Variants in TAFA2 observed in about 807,000 individuals in gnomAD.
TAFA2 encodes the protein TAFA chemokine like family member 2, also known as chemokine-like protein TAFA-2.
TAFA2 carries 7 observed loss-of-function variants against 18.8 expected under a neutral mutation model. The observed-to-expected ratio is 0.37, with a 90% CI of 0.21 to 0.70. TAFA2 has a LOEUF of 0.70. TAFA2 is among the 30% of genes least tolerant of loss of function. The probability of loss-of-function intolerance (pLI) is 0.53; values close to 1 mark genes in which losing one functional copy is unlikely to be tolerated. For missense variants in TAFA2, 122 were observed against 158.1 expected (o/e 0.77, Z 1.23); for synonymous variants, 60 against 54.2 (o/e 1.11, Z -0.47).
At chr12:61,895,723 C>T (rs1875812817) in intron 1 of TAFA2, among the ~76,000 whole-genome samples, 1 of 152,152 alleles carries the variant, frequency 6.6e-6, no homozygotes, top group Non-Finnish European at 1.5e-5. Flanking sequence ...ATATGTCATT[C>T]TCATCTTCGT....
chr12:61,754,361 T>C (rs975285717), intron 3 of TAFA2, among the ~76,000 whole-genome samples: 2 of 151,982 alleles, frequency 1.3e-5, no homozygotes, highest in Non-Finnish European at 2.9e-5. Flanking sequence ...ATTTATGTCC[T>C]ACTATAATTA....
chr12:62,019,800 C>A (rs969340358), intron 1 of TAFA2, among the ~76,000 whole-genome samples: 6 of 147,610 alleles, frequency 4.1e-5, no homozygotes, highest in South Asian at 2.2e-4. Flanking sequence ...GCACATGTAC[C>A]CTAAAACTTA....
chr12:61,721,772 A>G (rs960512517), intron 4 of TAFA2, among the ~76,000 whole-genome samples: 1 of 152,180 alleles, frequency 6.6e-6, no homozygotes, highest in Non-Finnish European at 1.5e-5. Flanking sequence ...CCTGACCAAC[A>G]TGGTGAAACC....
intron 1 of TAFA2, among the ~76,000 whole-genome samples, chr12:62,010,149 C>A (rs1380310354): frequency 6.7e-6 from 1 of 149,060 alleles, no homozygotes; most frequent in Non-Finnish European, 1.5e-5. Context: ...CTCTCCCTCT[C>A]CCTCTCCCCC....
At chr12:61,827,471 G>A (rs1020290801) in intron 2 of TAFA2, among the ~76,000 whole-genome samples, 1 of 151,720 alleles carries the variant, frequency 6.6e-6, no homozygotes, top group African/African-American at 2.4e-5. Context: ...CAAATTTTTA[G>A]TTCTACTTTG....
At chr12:62,016,167 GGTTT>G (rs1158960719) in intron 1 of TAFA2, among the ~76,000 whole-genome samples, 2 of 152,124 alleles carry the variant, frequency 1.3e-5, no homozygotes, top group African/African-American at 4.8e-5. Flanking sequence ...CTGGGTCCTC[GGTTT>G]GTTTTTGAGT....
At chr12:61,824,197 C>T (rs552064880) in intron 2 of TAFA2, among the ~76,000 whole-genome samples, 3 of 152,142 alleles carry the variant, frequency 2.0e-5, no homozygotes, top group Non-Finnish European at 4.4e-5. Context: ...CTGCCAATAA[C>T]ATGAATGAGC....
chr12:62,163,772 T>A (rs1416125731), intron 1 of TAFA2, among the ~76,000 whole-genome samples: 1 of 152,050 alleles, frequency 6.6e-6, no homozygotes, highest in Non-Finnish European at 1.5e-5. Context: ...TGTAAATCCC[T>A]CATTGGTTTA....
At chr12:62,253,074 T>C (rs2062922289) in intron 1 of TAFA2, 1 of 152,192 alleles carries the variant, frequency 6.6e-6, no homozygotes, top group Non-Finnish European at 1.5e-5. Flanking sequence ...AGGTTGGACA[T>C]TTGGCAGCAG....
chr12:62,157,715 G>A (rs2062380673), intron 1 of TAFA2, among the ~76,000 whole-genome samples: 1 of 152,118 alleles, frequency 6.6e-6, no homozygotes, highest in Non-Finnish European at 1.5e-5. Context: ...TGACCATCCT[G>A]ACTAAAGTAG....
intron 2 of TAFA2, among the ~76,000 whole-genome samples, chr12:61,838,801 C>T (rs909912673): frequency 6.6e-6 from 1 of 152,040 alleles, no homozygotes; most frequent in Non-Finnish European, 1.5e-5. Context: ...AAACATTTGA[C>T]TTTCCAGAAA....
intron 2 of TAFA2, among the ~76,000 whole-genome samples, chr12:61,808,766 A>T (rs887650031): frequency 6.6e-6 from 1 of 151,476 alleles, no homozygotes; most frequent in African/African-American, 2.5e-5. Flanking sequence ...TAACGAGATC[A>T]ATGTTGTCAC....
At chr12:61,883,946 T>A (rs1217874568) in intron 1 of TAFA2, among the ~76,000 whole-genome samples, 1 of 152,198 alleles carries the variant, frequency 6.6e-6, no homozygotes, top group Non-Finnish European at 1.5e-5. Context: ...AGATAACATA[T>A]GTGAAGTACT....
chr12:61,852,362 A>G (rs1167383097), intron 2 of TAFA2, among the ~76,000 whole-genome samples: 2 of 152,178 alleles, frequency 1.3e-5, no homozygotes, highest in African/African-American at 2.4e-5. Context: ...GATCCCAAAG[A>G]CTGGCTTGCA....
intron 1 of TAFA2, among the ~76,000 whole-genome samples, chr12:62,055,071 A>G (rs1438475758): frequency 5.3e-5 from 8 of 152,234 alleles, no homozygotes; most frequent in African/African-American, 1.9e-4. Context: ...AAGTCATGAG[A>G]GTGGAGTCCT....
intron 2 of TAFA2, among the ~76,000 whole-genome samples, chr12:61,824,351 TA>T (rs1872448541): frequency 6.6e-6 from 1 of 152,170 alleles, no homozygotes; most frequent in African/African-American, 2.4e-5. Context: ...CATGAGATAA[TA>T]AATGTGTGTT....
rs547884001 is a variant in TAFA2 at position 62,203,724 on chromosome 12, G to A, written c.-130+55039C>T. Among the ~76,000 whole-genome samples the A allele has an allele frequency of 1.8e-4, 27 of 152,238 alleles. No homozygotes were observed. In the East Asian group the frequency reaches 4.2e-3, roughly 24 times the overall value. On this transcript the variant is annotated intron_variant, in intron 1 of 5. Transcript: ENST00000551619. The stretch of plus-strand genomic sequence containing the variant: ...CCATCCCTTTATTTTGAGCCTATGT[G>A]TGTCTTCGCCCATGAGCTCAGTCTC...
chr12:61,912,738 A>G (rs181576599), intron 1 of TAFA2, among the ~76,000 whole-genome samples: 1 of 152,186 alleles, frequency 6.6e-6, no homozygotes, highest in Admixed American at 6.5e-5. Context: ...AAGCTAAAAA[A>G]CTGTTTGCCT....
At chr12:61,896,114 G>C (rs1352640583) in intron 1 of TAFA2, among the ~76,000 whole-genome samples, 1 of 152,080 alleles carries the variant, frequency 6.6e-6, no homozygotes, top group Non-Finnish European at 1.5e-5. Context: ...AAGGGTGATG[G>C]GTCAGCAGGA....
Sources: allele counts gnomAD v4.1 joint callset (sites outside exome capture counted in the v4.1 genomes callset), GRCh38; gene constraint gnomAD v4.1.1; transcripts MANE v1.5; gene names NCBI Gene and HGNC (gene_info 2026-07-23, HGNC 2026-07-21).